Variants in KCNH7 observed in about 807,000 individuals in gnomAD.
KCNH7 encodes potassium voltage-gated channel subfamily H member 7, also known as voltage-gated inwardly rectifying potassium channel KCNH7.
In KCNH7, 49 loss-of-function variants were observed where a neutral mutation model predicts 120.8. The observed-to-expected ratio is 0.41, with a 90% CI of 0.32 to 0.51. The LOEUF (loss-of-function observed/expected upper bound fraction) is 0.51, where lower values mean the gene tolerates loss of function less well. KCNH7 is among the 20% of genes least tolerant of loss of function. The pLI, the probability that KCNH7 is intolerant of heterozygous loss-of-function variation, is 0.38. For synonymous variants in KCNH7, 547 were observed against 516.1 expected (o/e 1.06, Z -0.81); for missense variants, 1,097 against 1,446.6 (o/e 0.76, Z 3.92).
At chr2:162,432,100 C>T (rs1462546156) in intron 8 of KCNH7, among the ~76,000 whole-genome samples, 1 of 151,936 alleles carries the variant, frequency 6.6e-6, no homozygotes, top group African/African-American at 2.4e-5. Context: ...GATATTTCTG[C>T]TATATATGTG....
intron 14 of KCNH7, among the ~76,000 whole-genome samples, chr2:162,375,247 G>T (rs970373787): frequency 6.6e-6 from 1 of 152,142 alleles, no homozygotes; most frequent in African/African-American, 2.4e-5. Context: ...AATGTAAAAG[G>T]ATTTGGGGGG....
At chr2:162,567,800 A>C (rs1392755737) in intron 2 of KCNH7, among the ~76,000 whole-genome samples, 1 of 152,060 alleles carries the variant, frequency 6.6e-6, no homozygotes, top group East Asian at 1.9e-4. Flanking sequence ...TAAAGGTGTT[A>C]AATACACCAC....
chr2:162,801,352 C>T (rs1194229401), intron 2 of KCNH7, among the ~76,000 whole-genome samples: 1 of 151,522 alleles, frequency 6.6e-6, no homozygotes, highest in Non-Finnish European at 1.5e-5. Flanking sequence ...CAATTCTCAA[C>T]AATTGTCTAT....
At chr2:162,576,401 T>C (rs1693672404) in intron 2 of KCNH7, among the ~76,000 whole-genome samples, 1 of 152,044 alleles carries the variant, frequency 6.6e-6, no homozygotes, top group South Asian at 2.1e-4. Flanking sequence ...GGAGATGAAA[T>C]GTCTCCCAAT....
At position 162,386,292 on chromosome 2, in the gene KCNH7, C is replaced by T. The variant is rs566605639; in HGVS notation, c.2711-1353G>A. On this transcript the variant is annotated intron_variant, in intron 12 of 15. Transcript: ENST00000332142. ...GTCATTGGCACAGACCTCCTTAAAC[C>T]TCTAAAATTCCATCTTGCCATCTTC... Among the ~76,000 whole-genome samples the T allele has an allele frequency of 5.3e-5, 8 of 151,906 alleles. No homozygotes were observed. The South Asian group carries it at 8.3e-4, about 16-fold the overall frequency.
chr2:162,623,919 T>C (rs1683453157), intron 2 of KCNH7, among the ~76,000 whole-genome samples: 1 of 152,172 alleles, frequency 6.6e-6, no homozygotes, highest in Admixed American at 6.5e-5. Context: ...TTAACCGCAC[T>C]CTGAAAATGT....
At chr2:162,814,077 T>C (rs1005059598) in intron 2 of KCNH7, among the ~76,000 whole-genome samples, 1 of 152,136 alleles carries the variant, frequency 6.6e-6, no homozygotes, top group Admixed American at 6.5e-5. Context: ...CCTTGGGCAA[T>C]TGCTTGGCCT....
chr2:162,746,937 C>T (rs889334810), intron 2 of KCNH7, among the ~76,000 whole-genome samples: 2 of 151,992 alleles, frequency 1.3e-5, no homozygotes, highest in South Asian at 4.1e-4. Flanking sequence ...TTAAATGATC[C>T]TTTTAGCCAC....
intron 2 of KCNH7, among the ~76,000 whole-genome samples, chr2:162,700,399 C>T (rs761303768): frequency 6.6e-6 from 1 of 152,110 alleles, no homozygotes; most frequent in African/African-American, 2.4e-5. Flanking sequence ...CAGAGAGATC[C>T]GCTTGGGCCA....
chr2:162,744,598 A>T (rs1471816572), intron 2 of KCNH7, among the ~76,000 whole-genome samples: 1 of 122,884 alleles, frequency 8.1e-6, no homozygotes, highest in Non-Finnish European at 1.6e-5. Flanking sequence ...TTTGATACGG[A>T]GTCTCGCTCT....
At chr2:162,617,032 C>T (rs1683160973) in intron 2 of KCNH7, among the ~76,000 whole-genome samples, 3 of 152,078 alleles carry the variant, frequency 2.0e-5, no homozygotes, top group African/African-American at 7.2e-5. Flanking sequence ...CAAATCATGT[C>T]ATAGACCTAG....
At chr2:162,624,106 C>T (rs1041883931) in intron 2 of KCNH7, among the ~76,000 whole-genome samples, 2 of 152,110 alleles carry the variant, frequency 1.3e-5, no homozygotes, top group African/African-American at 2.4e-5. Context: ...TAGTCAGGGA[C>T]ATGGTCTGCT....
intron 6 of KCNH7, among the ~76,000 whole-genome samples, chr2:162,501,243 G>C (rs1690676516): frequency 6.6e-6 from 1 of 151,976 alleles, no homozygotes; most frequent in African/African-American, 2.4e-5. Flanking sequence ...AGCAACTTAA[G>C]TGTTTCACCT....
chr2:162,607,423 T>C (rs1468875210), intron 2 of KCNH7, among the ~76,000 whole-genome samples: 3 of 151,874 alleles, frequency 2.0e-5, no homozygotes, highest in South Asian at 2.1e-4. Context: ...AATGAATTTA[T>C]GAAACTATGA....
chr2:162,693,412 G>A (rs1247124605), intron 2 of KCNH7, among the ~76,000 whole-genome samples: 1 of 152,188 alleles, frequency 6.6e-6, no homozygotes, highest in Non-Finnish European at 1.5e-5. Context: ...TTCAACTACA[G>A]CATGACATTT....
At chr2:162,500,369 TG>T (rs368640153) in intron 6 of KCNH7, among the ~76,000 whole-genome samples, 10 of 12,928 alleles carry the variant, frequency 7.7e-4, no homozygotes, top group African/African-American at 2.1e-3. Flanking sequence ...TAGTATATAA[TG>T]TATATATTAT....
chr2:162,766,610 A>T (rs1473564921), intron 2 of KCNH7, among the ~76,000 whole-genome samples: 2 of 152,144 alleles, frequency 1.3e-5, no homozygotes, highest in Non-Finnish European at 2.9e-5. Flanking sequence ...TTTTCTTTAC[A>T]TCTATGCTAT....
At chr2:162,586,884 C>T (rs1425940227) in intron 2 of KCNH7, among the ~76,000 whole-genome samples, 3 of 151,900 alleles carry the variant, frequency 2.0e-5, no homozygotes, top group African/African-American at 7.2e-5. Context: ...CCATACTATA[C>T]CTTTTTTGCA....
At chr2:162,696,497 G>A (rs1686294577) in intron 2 of KCNH7, among the ~76,000 whole-genome samples, 1 of 152,118 alleles carries the variant, frequency 6.6e-6, no homozygotes, top group Admixed American at 6.6e-5. Context: ...GATATGAATT[G>A]GGTAGAAATA....
Sources: gnomAD v4.1 joint callset for allele counts (sites outside exome capture counted in the v4.1 genomes callset) on GRCh38, gnomAD v4.1.1 for gene constraint, MANE v1.5 for transcripts, NCBI Gene and HGNC (gene_info 2026-07-23, HGNC 2026-07-21) for gene names.